KCNJ6: variants seen among roughly 807,000 people sequenced by gnomAD.
KCNJ6 encodes G protein-activated inward rectifier potassium channel 2.
KCNJ6 carries 9 observed loss-of-function variants against 34.2 expected under a neutral mutation model. The observed-to-expected ratio is 0.26, with a 90% CI of 0.16 to 0.46. The LOEUF is 0.46. Ranked by LOEUF, KCNJ6 falls within the 20% of genes least tolerant of loss-of-function variation. KCNJ6 has a pLI of 1.00. For synonymous variants in KCNJ6, 196 were observed against 207.1 expected (o/e 0.95, Z 0.46); for missense variants, 236 against 531.3 (o/e 0.44, Z 5.46).
At chr21:37,751,872 C>T (rs2054997532) in intron 2 of KCNJ6, among the ~76,000 whole-genome samples, 1 of 152,086 alleles carries the variant, frequency 6.6e-6, no homozygotes, top group Admixed American at 6.5e-5. Flanking sequence ...AGTACGATGC[C>T]TGACATATGA....
intron 1 of KCNJ6, among the ~76,000 whole-genome samples, chr21:37,870,910 G>C (rs2055648397): frequency 6.6e-6 from 1 of 152,104 alleles, no homozygotes; most frequent in African/African-American, 2.4e-5. Flanking sequence ...GGTGTGATCT[G>C]GGAAATTCTT....
intron 2 of KCNJ6, among the ~76,000 whole-genome samples, chr21:37,809,192 G>T (rs951865428): frequency 6.6e-6 from 1 of 152,176 alleles, no homozygotes; most frequent in African/African-American, 2.4e-5. Flanking sequence ...ATACTATGCA[G>T]CCATAAAAAA....
intron 2 of KCNJ6, among the ~76,000 whole-genome samples, chr21:37,755,789 C>T (rs985509183): frequency 2.0e-5 from 3 of 152,176 alleles, no homozygotes; most frequent in African/African-American, 4.8e-5. Flanking sequence ...TACGAGGGTG[C>T]GGTACAGGCA....
At position 37,714,356 on chromosome 21, in the gene KCNJ6, C is replaced by T; in HGVS notation, c.801G>A (p.Gly267=). Residue 267 remains glycine (G), a synonymous_variant, in exon 3 of 4, where the codon GGG becomes GGA. Transcript: ENST00000609713. This position sits in a 1 kb window ranked among gnomAD's most constrained non-coding sequence, Gnocchi z 5.9. Reference sequence around the variant, plus strand: ...GTGACACCAGAAACAGACGGTCATCCCCCGTGTAATACCCTACGTTGATAT... The same window carrying T: ...GTGACACCAGAAACAGACGGTCATCTCCCGTGTAATACCCTACGTTGATAT... ...QTDINVGYYT[G]DDRLFLVSPL... 6.2e-7 allele frequency: 1 copy of T among 1,614,092 alleles called. No individual in the cohort carries two copies. Among genetic ancestry groups the T allele is most frequent in the Non-Finnish European group, 8.5e-7 (1 of 1,179,982 alleles).
At chr21:37,746,677 G>A (rs547399925) in intron 2 of KCNJ6, among the ~76,000 whole-genome samples, 5 of 152,264 alleles carry the variant, frequency 3.3e-5, no homozygotes, top group East Asian at 1.9e-4. Flanking sequence ...ACAACATGAC[G>A]TCTCCTGCGA....
rs552054045 is a variant in KCNJ6, at chr21:37,755,521, T to C, written c.26-40390A>G. 3.4e-4 allele frequency among the ~76,000 whole-genome samples: 52 copies of C among 152,280 alleles called. 1 individual carries two copies. Among genetic ancestry groups the C allele is most frequent in the Middle Eastern group, 3.4e-3 (1 of 294 alleles). On this transcript the variant is annotated intron_variant, in intron 2 of 3. Coordinates refer to ENST00000609713, the MANE Select transcript of KCNJ6 (RefSeq NM_002240.5). Reference sequence around the variant, plus strand: ...GAAAGGCAGGAGAGAACAGCTAGTCTTGAAAATAGGCAGACTAGTTGAGGG... The same window carrying C: ...GAAAGGCAGGAGAGAACAGCTAGTCCTGAAAATAGGCAGACTAGTTGAGGG...
At chr21:37,691,850 G>A (rs1348018046) in intron 3 of KCNJ6, among the ~76,000 whole-genome samples, 1 of 152,108 alleles carries the variant, frequency 6.6e-6, no homozygotes, top group Non-Finnish European at 1.5e-5. Flanking sequence ...TAGTGACAGG[G>A]ACATGAACAT....
At chr21:37,856,154 A>T (rs1312709387) in intron 1 of KCNJ6, among the ~76,000 whole-genome samples, 1 of 152,132 alleles carries the variant, frequency 6.6e-6, no homozygotes, top group Non-Finnish European at 1.5e-5. Flanking sequence ...TCCAAACATC[A>T]TTTCCGGAAG....
intron 2 of KCNJ6, among the ~76,000 whole-genome samples, chr21:37,782,199 C>T (rs2055172743): frequency 6.6e-6 from 1 of 152,038 alleles, no homozygotes; most frequent in African/African-American, 2.4e-5. Flanking sequence ...GTGCAAGTAG[C>T]CTCTAGAAGC....
intron 2 of KCNJ6, among the ~76,000 whole-genome samples, chr21:37,747,097 A>G (rs1295271031): frequency 2.6e-5 from 4 of 152,334 alleles, no homozygotes; most frequent in South Asian, 2.1e-4. Flanking sequence ...CCACACATGC[A>G]TGAAGAGAGG....
Position 37,625,219 on chromosome 21 carries a change from G to C in KCNJ6, c.1212C>G (p.Leu404=), listed in dbSNP as rs574375636. The change falls in exon 4 of 4, where the codon CTC becomes CTG. Residue 404 remains leucine, a synonymous_variant. Transcript: ENST00000609713. ...CACCATTTCTTTCTGTTTGCTCTTC[G>C]AGGTTCTTTTCTTCCTCTTCAGTCT... The part of the protein sequence containing the change: ...ELETEEEEKN[L]EEQTERNGDV... The C allele has an allele frequency of 1.2e-6, 2 of 1,614,164 alleles. No individual in the cohort carries two copies. Among genetic ancestry groups the C allele is most frequent in the East Asian group, 2.2e-5 (1 of 44,874 alleles).
In KCNJ6 at chr21:37,616,150, C is replaced by T. The variant is rs2123352909; in HGVS notation, c.*9009G>A. ...CGAGCCTGCGGGAGAGTGGTCCACACTGAGAGGCTGGGAGTTACCATGGCA... is the reference window on the plus strand; with the variant it reads ...CGAGCCTGCGGGAGAGTGGTCCACATTGAGAGGCTGGGAGTTACCATGGCA... On this transcript the variant is annotated 3_prime_UTR_variant, in exon 4 of 4. Transcript: ENST00000609713. 6.6e-6 allele frequency: 1 copy of T among 152,386 alleles called. No homozygotes were observed. Among genetic ancestry groups the T allele is most frequent in the African/African-American group, 2.4e-5 (1 of 41,574 alleles). The allele number at this position is 152,386 out of a possible 1,614,324, so 9.4% of individuals were successfully genotyped here.
chr21:37,836,785 T>C (rs144332498), intron 2 of KCNJ6, among the ~76,000 whole-genome samples: 1,553 of 152,234 alleles, frequency 0.01, 18 homozygotes, highest in African/African-American at 0.035. Context: ...AAATACCTAA[T>C]GTAGATGATG....
chr21:37,679,821 C>T (rs148308228), intron 3 of KCNJ6, among the ~76,000 whole-genome samples: 111 of 152,284 alleles, frequency 7.3e-4, no homozygotes, highest in Middle Eastern at 3.4e-3. Flanking sequence ...ATTGGTGTAT[C>T]ACATACTGTC....
chr21:37,820,358 A>G (rs2055367984), intron 2 of KCNJ6, among the ~76,000 whole-genome samples: 1 of 152,172 alleles, frequency 6.6e-6, no homozygotes, highest in African/African-American at 2.4e-5. Context: ...GATCTGTTGA[A>G]GTACATGTTC....
intron 2 of KCNJ6, among the ~76,000 whole-genome samples, chr21:37,792,344 C>T (rs1268385855): frequency 2.6e-5 from 4 of 152,206 alleles, no homozygotes; most frequent in African/African-American, 7.2e-5. Flanking sequence ...AAATCAATCA[C>T]TACACTAATT....
chr21:37,696,158 C>T (rs2054662669), intron 3 of KCNJ6, among the ~76,000 whole-genome samples: 1 of 152,166 alleles, frequency 6.6e-6, no homozygotes, highest in African/African-American at 2.4e-5. Flanking sequence ...GTAGAAATAA[C>T]CGATTCAGGT....
chr21:37,729,005 G>T (rs970348381), intron 2 of KCNJ6, among the ~76,000 whole-genome samples: 4 of 152,136 alleles, frequency 2.6e-5, no homozygotes, highest in Admixed American at 6.5e-5. Context: ...TGTGACTAGG[G>T]GAGACTATTC....
chr21:37,883,428 T>C (rs1451592050), intron 1 of KCNJ6, among the ~76,000 whole-genome samples: 2 of 152,088 alleles, frequency 1.3e-5, no homozygotes, highest in East Asian at 1.9e-4. Context: ...CCCAGCAGGA[T>C]TGAGCCCCTG....
Sources: gnomAD v4.1 joint callset for allele counts (sites outside exome capture counted in the v4.1 genomes callset) on GRCh38, gnomAD v4.1.1 for gene constraint, Gnocchi (gnomAD v3.1) non-coding constraint, MANE v1.5 for transcripts, NCBI Gene and HGNC (gene_info 2026-07-23, HGNC 2026-07-21) for gene names.